The following CHCHD6 variants were observed in gnomAD, a reference collection of about 807,000 sequenced individuals.
CHCHD6 encodes coiled-coil-helix-coiled-coil-helix domain containing 6, also known as MICOS complex subunit MIC25.
Under a neutral mutation model 32.3 loss-of-function variants are expected in CHCHD6, and 28 were observed. The observed-to-expected ratio is 0.87, with a 90% CI of 0.64 to 1.19. The LOEUF (loss-of-function observed/expected upper bound fraction) is 1.19, where lower values mean the gene tolerates loss of function less well. Among genes scored for constraint, CHCHD6 ranks in the 50% most tolerant of loss-of-function variants. The probability of loss-of-function intolerance (pLI) is 0.00; values close to 1 mark genes in which losing one functional copy is unlikely to be tolerated. For missense variants in CHCHD6, 333 were observed against 307.0 expected (o/e 1.08, Z -0.63); for synonymous variants, 122 against 117.5 (o/e 1.04, Z -0.25).
At chr3:126,795,811 C>T (rs1012695805) in intron 4 of CHCHD6, among the ~76,000 whole-genome samples, 1 of 152,146 alleles carries the variant, frequency 6.6e-6, no homozygotes, top group African/African-American at 2.4e-5. Context: ...TTTTCCATCA[C>T]CTAGAGAGAA....
chr3:126,743,943 C>G (rs150804900), intron 4 of CHCHD6, among the ~76,000 whole-genome samples: 101 of 152,218 alleles, frequency 6.6e-4, no homozygotes, highest in South Asian at 1.0e-3. Flanking sequence ...AGATGGTATG[C>G]GCTGGCAGTG....
chr3:126,728,312 C>T (rs759804229), intron 2 of CHCHD6, among the ~76,000 whole-genome samples: 1 of 152,204 alleles, frequency 6.6e-6, no homozygotes, highest in Non-Finnish European at 1.5e-5. Context: ...GAATCTGTAC[C>T]AGGCTCACGG....
chr3:126,755,311 G>T (rs1327239038), intron 4 of CHCHD6, among the ~76,000 whole-genome samples: 2 of 152,214 alleles, frequency 1.3e-5, no homozygotes, highest in Non-Finnish European at 1.5e-5. Context: ...CCCTGTCACT[G>T]TATAGGGCAG....
chr3:126,905,282 G>A (rs748067063), intron 5 of CHCHD6, among the ~76,000 whole-genome samples: 26 of 152,184 alleles, frequency 1.7e-4, no homozygotes, highest in Non-Finnish European at 3.1e-4. Context: ...GTGTGTCTTG[G>A]TACAGCACAC....
At chr3:126,819,801 T>C (rs1201770210) in intron 4 of CHCHD6, among the ~76,000 whole-genome samples, 1 of 152,242 alleles carries the variant, frequency 6.6e-6, no homozygotes, top group South Asian at 2.1e-4. Flanking sequence ...GTAGAGAACA[T>C]GGAAAGGCAG....
Position 126,877,386 on chromosome 3 carries a change from T to A in CHCHD6, c.495+24656T>A, listed in dbSNP as rs1451036630. Reference sequence around the variant, plus strand: ...CTAGCTAACACGGTGAAACCCCATCTCTACTAAAAATACAAAAAATTAGCT... The same window carrying A: ...CTAGCTAACACGGTGAAACCCCATCACTACTAAAAATACAAAAAATTAGCT... On this transcript the variant is annotated intron_variant, in intron 5 of 7. Coordinates refer to ENST00000290913, the MANE Select transcript of CHCHD6 (RefSeq NM_032343.3). Among the ~76,000 whole-genome samples, 7 of 152,158 alleles carry A rather than the reference T, an allele frequency of 4.6e-5. No individual in the cohort carries two copies. The East Asian group carries it at 1.4e-3, about 29-fold the overall frequency.
intron 4 of CHCHD6, chr3:126,767,015 C>T: frequency 1.2e-6 from 1 of 869,034 alleles, no homozygotes; most frequent in South Asian, 1.5e-5. Context: ...ACATTTGGTA[C>T]AGGCAGGATC....
chr3:126,814,393 C>T (rs990752438), intron 4 of CHCHD6, among the ~76,000 whole-genome samples: 2 of 152,250 alleles, frequency 1.3e-5, no homozygotes, highest in East Asian at 1.9e-4. Context: ...AGAGTAATGT[C>T]GATGTCTTTT....
At chr3:126,850,558 G>A (rs115923882) in intron 4 of CHCHD6, among the ~76,000 whole-genome samples, 2,745 of 152,290 alleles carry the variant, frequency 0.018, 30 homozygotes, top group Middle Eastern at 0.051. Context: ...CAGTGTGTCA[G>A]TGGGATGGTG....
intron 4 of CHCHD6, among the ~76,000 whole-genome samples, chr3:126,816,801 G>T (rs1240834190): frequency 1.3e-5 from 2 of 152,048 alleles, no homozygotes; most frequent in Admixed American, 1.3e-4. Context: ...CCATGTTGGT[G>T]TGCTGCACCC....
At chr3:126,729,303 G>C (rs538561240) in intron 2 of CHCHD6, among the ~76,000 whole-genome samples, 85 of 152,206 alleles carry the variant, frequency 5.6e-4, no homozygotes, top group Middle Eastern at 6.8e-3. Context: ...AATGTGCACA[G>C]ATGGCCATAC....
At chr3:126,752,059 G>T (rs1475812311) in intron 4 of CHCHD6, among the ~76,000 whole-genome samples, 1 of 152,226 alleles carries the variant, frequency 6.6e-6, no homozygotes, top group South Asian at 2.1e-4. Context: ...GAACCTGTGT[G>T]TGTGAGTAGG....
At chr3:126,944,416 C>T (rs1199259413) in intron 6 of CHCHD6, among the ~76,000 whole-genome samples, 1 of 152,282 alleles carries the variant, frequency 6.6e-6, no homozygotes, top group Non-Finnish European at 1.5e-5. Context: ...AGAATATCTG[C>T]TTCCTGCATA....
chr3:126,890,161 G>A (rs898444708), intron 5 of CHCHD6, among the ~76,000 whole-genome samples: 5 of 152,272 alleles, frequency 3.3e-5, no homozygotes, highest in African/African-American at 1.2e-4. Flanking sequence ...TGGGTTTCCT[G>A]TGCGGCTGAG....
At chr3:126,925,592 T>C (rs2078312094) in intron 6 of CHCHD6, among the ~76,000 whole-genome samples, 1 of 152,168 alleles carries the variant, frequency 6.6e-6, no homozygotes, top group South Asian at 2.1e-4. Context: ...GCAGAAGGGC[T>C]ACTTCCTCTG....
At chr3:126,825,899 A>T (rs1940372284) in intron 4 of CHCHD6, among the ~76,000 whole-genome samples, 1 of 152,174 alleles carries the variant, frequency 6.6e-6, no homozygotes, top group East Asian at 1.9e-4. Flanking sequence ...TACTCTTTCC[A>T]CTGCTGTTTA....
intron 4 of CHCHD6, among the ~76,000 whole-genome samples, chr3:126,783,538 A>G (rs1177748623): frequency 6.6e-6 from 1 of 152,266 alleles, no homozygotes; most frequent in East Asian, 1.9e-4. Flanking sequence ...GGTCTTATAT[A>G]TAGAAGTTCC....
At chr3:126,747,355 G>C (rs773257276) in intron 4 of CHCHD6, among the ~76,000 whole-genome samples, 1 of 152,136 alleles carries the variant, frequency 6.6e-6, no homozygotes, top group African/African-American at 2.4e-5. Flanking sequence ...ATACACGTTC[G>C]GTTTTCCCAG....
intron 5 of CHCHD6, among the ~76,000 whole-genome samples, chr3:126,900,140 C>T (rs1038298730): frequency 9.9e-5 from 15 of 152,168 alleles, no homozygotes; most frequent in African/African-American, 3.1e-4. Flanking sequence ...TGTGTAGCAA[C>T]GTGAATGGAA....
Sources: gnomAD v4.1 joint callset for allele counts (sites outside exome capture counted in the v4.1 genomes callset) on GRCh38, gnomAD v4.1.1 for gene constraint, MANE v1.5 for transcripts, NCBI Gene and HGNC (gene_info 2026-07-23, HGNC 2026-07-21) for gene names.